The following UTRN variants were observed in gnomAD, a reference collection of about 807,000 sequenced individuals.
UTRN encodes the protein utrophin.
In UTRN, 283 loss-of-function variants were observed where a neutral mutation model predicts 463.9. The ratio of observed to expected loss-of-function variants is 0.61; its 90% CI spans 0.55 to 0.67. The LOEUF (loss-of-function observed/expected upper bound fraction) is 0.67. UTRN is among the 30% of genes least tolerant of loss of function. The pLI is 0.00. For synonymous variants in UTRN, 1,442 were observed against 1,431.5 expected (o/e 1.01, Z -0.17); for missense variants, 3,922 against 4,084.3 (o/e 0.96, Z 1.08).
chr6:144,361,768 C>CTTTT (rs200737117), intron 2 of UTRN, among the ~76,000 whole-genome samples: 4 of 138,698 alleles, frequency 2.9e-5, no homozygotes, highest in African/African-American at 1.1e-4. Flanking sequence ...TTCTTTCTTT[C>CTTTT]TTTCTTTTTT....
intron 2 of UTRN, among the ~76,000 whole-genome samples, chr6:144,293,032 G>A (rs759451193): frequency 6.6e-6 from 1 of 152,140 alleles, no homozygotes; most frequent in Non-Finnish European, 1.5e-5. Context: ...TCTTTTGAAG[G>A]TATAGCTTAA....
chr6:144,739,107 A>G (rs1789766929), intron 54 of UTRN, among the ~76,000 whole-genome samples: 1 of 152,176 alleles, frequency 6.6e-6, no homozygotes, highest in South Asian at 2.1e-4. Flanking sequence ...GGCTATGTAT[A>G]TTTAGTACAT....
At chr6:144,616,964 A>G (rs537716713) in intron 51 of UTRN, among the ~76,000 whole-genome samples, 2 of 152,272 alleles carry the variant, frequency 1.3e-5, no homozygotes, top group African/African-American at 4.8e-5. Context: ...TTGCCTTTGA[A>G]TCCGTGAGCA....
chr6:144,326,149 T>G (rs898883840), intron 2 of UTRN, among the ~76,000 whole-genome samples: 3 of 152,190 alleles, frequency 2.0e-5, no homozygotes, highest in African/African-American at 7.2e-5. Flanking sequence ...AAAACAAACT[T>G]AAGTGCATTT....
intron 2 of UTRN, among the ~76,000 whole-genome samples, chr6:144,367,156 T>C (rs971032592): frequency 7.9e-5 from 12 of 152,138 alleles, no homozygotes; most frequent in Admixed American, 5.9e-4. Flanking sequence ...GCTAATTTTT[T>C]GTATTTTTAG....
At chr6:144,309,370 T>TTCTATGTTCAGA (rs1470397231) in intron 2 of UTRN, among the ~76,000 whole-genome samples, 1 of 152,216 alleles carries the variant, frequency 6.6e-6, no homozygotes, top group Non-Finnish European at 1.5e-5. Flanking sequence ...ACTTCACATC[T>TTCTATGTTCAGA]TCTATGTTCA....
chr6:144,335,111 C>T (rs541663470), intron 2 of UTRN, among the ~76,000 whole-genome samples: 1 of 152,252 alleles, frequency 6.6e-6, no homozygotes, highest in East Asian at 1.9e-4. Flanking sequence ...CCAACTTTGC[C>T]ATGTTTAATT....
chr6:144,613,181 G>T, intron 51 of UTRN, among the ~76,000 whole-genome samples: 1 of 151,978 alleles, frequency 6.6e-6, no homozygotes, highest in East Asian at 1.9e-4. Flanking sequence ...GTAGACAGTA[G>T]AACTATGGTT....
chr6:144,746,076 C>T (rs930414929), intron 54 of UTRN, among the ~76,000 whole-genome samples: 1 of 151,878 alleles, frequency 6.6e-6, no homozygotes, highest in African/African-American at 2.4e-5. Context: ...TATCGGCTCA[C>T]TGCAACCTCT....
intron 18 of UTRN, among the ~76,000 whole-genome samples, chr6:144,453,272 G>A (rs1164379352): frequency 1.6e-4 from 24 of 151,940 alleles, no homozygotes; most frequent in Admixed American, 1.5e-3. Context: ...ATAGGCACAC[G>A]CCACCACGCT....
chr6:144,671,361 G>T (rs1781006929), intron 51 of UTRN, among the ~76,000 whole-genome samples: 1 of 151,948 alleles, frequency 6.6e-6, no homozygotes, highest in Non-Finnish European at 1.5e-5. Flanking sequence ...TACCTCCTTG[G>T]TTAGGTATAA....
intron 50 of UTRN, among the ~76,000 whole-genome samples, chr6:144,562,578 C>A (rs1344851320): frequency 6.6e-6 from 1 of 152,108 alleles, no homozygotes; most frequent in Non-Finnish European, 1.5e-5. Context: ...TATATAGGTA[C>A]CACATTTTCT....
chr6:144,405,862 T>C (rs1478114569), intron 3 of UTRN, among the ~76,000 whole-genome samples: 1 of 152,206 alleles, frequency 6.6e-6, no homozygotes, highest in Non-Finnish European at 1.5e-5. Context: ...GTTATTTGTA[T>C]TAGAAAAAAT....
intron 51 of UTRN, among the ~76,000 whole-genome samples, chr6:144,671,777 T>A (rs1781063072): frequency 6.6e-6 from 1 of 152,144 alleles, no homozygotes; most frequent in African/African-American, 2.4e-5. Flanking sequence ...CCATTAAGTA[T>A]AATGTTGGCT....
intron 61 of UTRN, among the ~76,000 whole-genome samples, chr6:144,785,795 G>A (rs1390828242): frequency 1.3e-5 from 2 of 152,118 alleles, no homozygotes; most frequent in African/African-American, 4.8e-5. Flanking sequence ...TATGTAAAAA[G>A]TACTTTATAA....
chr6:144,455,098 C>T (rs985266892), intron 19 of UTRN, among the ~76,000 whole-genome samples: 5 of 152,016 alleles, frequency 3.3e-5, no homozygotes, highest in African/African-American at 1.2e-4. Context: ...AACATATATA[C>T]ACACACAAAC....
At chr6:144,816,210 T>C (rs994462828) in intron 65 of UTRN, among the ~76,000 whole-genome samples, 1 of 152,084 alleles carries the variant, frequency 6.6e-6, no homozygotes, top group East Asian at 1.9e-4. Context: ...ACAGACAAAC[T>C]GTAGGGAAAT....
At chr6:144,348,052 G>A (rs1777761110) in intron 2 of UTRN, among the ~76,000 whole-genome samples, 1 of 151,900 alleles carries the variant, frequency 6.6e-6, no homozygotes, top group South Asian at 2.1e-4. Context: ...TCACTATGTT[G>A]CCCAGGCTGG....
intron 23 of UTRN, among the ~76,000 whole-genome samples, chr6:144,463,802 A>ATATC (rs1287847900): frequency 6.6e-6 from 1 of 151,706 alleles, no homozygotes; most frequent in Non-Finnish European, 1.5e-5. Flanking sequence ...ATATCTCTGT[A>ATATC]TATCTATCTA....
Sources: gnomAD v4.1 joint callset for allele counts (sites outside exome capture counted in the v4.1 genomes callset) on GRCh38, gnomAD v4.1.1 for gene constraint, MANE v1.5 for transcripts, NCBI Gene and HGNC (gene_info 2026-07-23, HGNC 2026-07-21) for gene names.